BPGM: variants seen among roughly 807,000 people sequenced by gnomAD.
BPGM encodes 2,3-bisphosphoglycerate mutase, erythrocyte.
Under a neutral mutation model 21.6 loss-of-function variants are expected in BPGM, and 15 were observed. The observed-to-expected ratio is 0.70, with a 90% CI of 0.47 to 1.07. The LOEUF (loss-of-function observed/expected upper bound fraction) is 1.07. Ranked by LOEUF, BPGM falls within the 50% of genes least tolerant of loss-of-function variation. The probability of loss-of-function intolerance (pLI) is 0.00; values close to 1 mark genes in which losing one functional copy is unlikely to be tolerated. For synonymous variants in BPGM, 113 were observed against 116.2 expected, an observed-to-expected ratio of 0.97 and a Z score of 0.18; for missense variants, 273 against 319.0, an observed-to-expected ratio of 0.86 and a Z score of 1.10.
At chr7:134,674,096 A>G (rs1392030916) in intron 2 of BPGM, among the ~76,000 whole-genome samples, 1 of 151,818 alleles carries the variant, frequency 6.6e-6, no homozygotes, top group Non-Finnish European at 1.5e-5. Context: ...TATTTTTAGT[A>G]GAGACAGGGT....
At chr7:134,652,931 C>T (rs1795579115) in intron 1 of BPGM, among the ~76,000 whole-genome samples, 1 of 152,132 alleles carries the variant, frequency 6.6e-6, no homozygotes, top group South Asian at 2.1e-4. Context: ...AGTGCTGCAA[C>T]AAACATGGAG....
intron 2 of BPGM, among the ~76,000 whole-genome samples, chr7:134,663,629 G>A (rs10231475): frequency 0.59 from 89,090 of 152,068 alleles, 27,173 homozygotes; most frequent in East Asian, 0.89. Context: ...CTATTCAACC[G>A]TGCCAACTCC....
At position 134,661,229 on chromosome 7, in the gene BPGM, A is replaced by C. The variant is rs1043836991; in HGVS notation, c.-61-218A>C. 6.6e-6 allele frequency among the ~76,000 whole-genome samples: 1 copy of C among 152,240 alleles called. No individual in the cohort carries two copies. The highest frequency in any genetic ancestry group is 2.4e-5 in the African/African-American group (1 of 41,450). On this transcript the variant is annotated intron_variant, in intron 1 of 2. Transcript: ENST00000344924. The surrounding 1 kb of genome is among the most constrained non-coding windows in gnomAD (Gnocchi z 4.6). ...TTTTATGTCATGCAATTAACATGCT[A>C]TCCAAACATCAGAAAATTTAAGTCA...
At chr7:134,672,646 C>A (rs1795923554) in intron 2 of BPGM, among the ~76,000 whole-genome samples, 1 of 152,068 alleles carries the variant, frequency 6.6e-6, no homozygotes, top group Admixed American at 6.5e-5. Flanking sequence ...TTCACTTATA[C>A]ATGGATTTTT....
intron 2 of BPGM, among the ~76,000 whole-genome samples, chr7:134,663,503 T>C (rs541449479): frequency 5.9e-5 from 9 of 152,368 alleles, no homozygotes; most frequent in Non-Finnish European, 7.3e-5. Flanking sequence ...ATTAGTGATA[T>C]ATAACTTCAT....
intron 2 of BPGM, among the ~76,000 whole-genome samples, chr7:134,669,670 C>A (rs1258644422): frequency 4.6e-5 from 7 of 152,204 alleles, no homozygotes; most frequent in Admixed American, 4.6e-4. Context: ...GACCTCTCCC[C>A]TGTCAAATGA....
chr7:134,674,394 A>AC (rs939744928), intron 2 of BPGM, among the ~76,000 whole-genome samples: 99 of 151,870 alleles, frequency 6.5e-4, no homozygotes, highest in African/African-American at 1.9e-3. Flanking sequence ...AGCTGTTATC[A>AC]CCCCCCCAGT....
At chr7:134,672,432 T>C (rs1340069690) in intron 2 of BPGM, among the ~76,000 whole-genome samples, 3 of 152,142 alleles carry the variant, frequency 2.0e-5, no homozygotes, top group Non-Finnish European at 4.4e-5. Context: ...TGCAAGAATT[T>C]AGTGAATGTT....
At chr7:134,675,227 G>A (rs1271810887) in intron 2 of BPGM, among the ~76,000 whole-genome samples, 1 of 151,892 alleles carries the variant, frequency 6.6e-6, no homozygotes, top group Non-Finnish European at 1.5e-5. Context: ...TCTTAATAGT[G>A]TCCTTTGAAG....
chr7:134,671,443 G>T (rs188638108), intron 2 of BPGM, among the ~76,000 whole-genome samples: 1 of 149,546 alleles, frequency 6.7e-6, no homozygotes, highest in Non-Finnish European at 1.5e-5. Flanking sequence ...CTCACTGCAA[G>T]CTCCACCTCC....
intron 2 of BPGM, among the ~76,000 whole-genome samples, chr7:134,675,484 C>T (rs1363131812): frequency 6.6e-6 from 1 of 151,996 alleles, no homozygotes; most frequent in African/African-American, 2.4e-5. Context: ...ACAGTTATCC[C>T]AGTACTATTT....
intron 2 of BPGM, among the ~76,000 whole-genome samples, chr7:134,674,499 T>C (rs55973340): frequency 0.15 from 22,311 of 152,236 alleles, 1,807 homozygotes; most frequent in Middle Eastern, 0.2. Context: ...AATGGACTTA[T>C]GCAGTAAGTG....
intron 2 of BPGM, among the ~76,000 whole-genome samples, chr7:134,663,072 A>G (rs1293099255): frequency 2.0e-5 from 3 of 152,202 alleles, no homozygotes; most frequent in East Asian, 3.9e-4. Context: ...GTCAGCAGTT[A>G]GCTTACTGGT....
At chr7:134,650,249 G>A (rs941003817) in intron 1 of BPGM, among the ~76,000 whole-genome samples, 1 of 152,212 alleles carries the variant, frequency 6.6e-6, no homozygotes, top group Non-Finnish European at 1.5e-5. Context: ...TCATGAGTGG[G>A]TGTTGTCCAC....
At chr7:134,669,672 G>A (rs1795874766) in intron 2 of BPGM, among the ~76,000 whole-genome samples, 2 of 152,186 alleles carry the variant, frequency 1.3e-5, no homozygotes, top group Non-Finnish European at 1.5e-5. Flanking sequence ...CCTCTCCCCT[G>A]TCAAATGACT....
intron 2 of BPGM, among the ~76,000 whole-genome samples, chr7:134,665,038 C>T (rs1167208596): frequency 1.3e-5 from 2 of 152,096 alleles, no homozygotes; most frequent in Non-Finnish European, 2.9e-5. Flanking sequence ...TTGCACAACT[C>T]TGAATATGCT....
chr7:134,657,393 AT>A (rs1368752501), intron 1 of BPGM, among the ~76,000 whole-genome samples: 2 of 152,212 alleles, frequency 1.3e-5, no homozygotes, highest in African/African-American at 4.8e-5. Context: ...GATTCTGAAC[AT>A]TTTCTAAGAC....
Position 134,661,466 on chromosome 7 carries a change from TATTAGCCC to T in BPGM, c.-38_-31del, listed in dbSNP as rs1795728925. 6.2e-7 allele frequency: 1 copy of T among 1,613,506 alleles called. No homozygotes were observed. The highest frequency in any genetic ancestry group is 1.7e-5 in the Admixed American group (1 of 60,000). On this transcript the variant is annotated 5_prime_UTR_variant, in exon 2 of 3. Coordinates refer to ENST00000344924, the MANE Select transcript of BPGM (RefSeq NM_001724.5). The surrounding 1 kb of genome is among the most constrained non-coding windows in gnomAD (Gnocchi z 4.6). ...TTCTAGATGTATTGCTGTCCTTGAA[TATTAGCCC>T]ATTTGAAAACGCCTGGGAAGTTCAG...
intron 1 of BPGM, 199 bp downstream of exon 1, chr7:134,647,136 A>G (rs1490412758): frequency 6.5e-6 from 1 of 152,750 alleles, no homozygotes; most frequent in African/African-American, 2.4e-5. Flanking sequence ...CTATCTCAGA[A>G]TGAGCCTCGC....
Sources: allele counts gnomAD v4.1 joint callset (sites outside exome capture counted in the v4.1 genomes callset), GRCh38; gene constraint gnomAD v4.1.1; non-coding constraint Gnocchi (gnomAD v3.1); transcripts MANE v1.5; gene names NCBI Gene and HGNC (gene_info 2026-07-23, HGNC 2026-07-21).